CDC42BPA: variants seen among roughly 807,000 people sequenced by gnomAD.
The protein encoded by CDC42BPA is serine/threonine-protein kinase MRCK alpha.
A neutral mutation model predicts 223.5 loss-of-function variants in CDC42BPA; 80 were observed. The observed-to-expected ratio is 0.36, with a 90% CI of 0.30 to 0.43. The LOEUF (loss-of-function observed/expected upper bound fraction) is 0.43. CDC42BPA is among the 20% of genes least tolerant of loss of function. The probability of loss-of-function intolerance (pLI) is 1.00; values close to 1 mark genes in which losing one functional copy is unlikely to be tolerated. For synonymous variants in CDC42BPA, 694 were observed against 718.6 expected, an observed-to-expected ratio of 0.97 and a Z score of 0.55; for missense variants, 1,743 against 2,099.9, an observed-to-expected ratio of 0.83 and a Z score of 3.32.
At chr1:227,004,493 T>C (rs1663593245) in intron 35 of CDC42BPA, 1 of 157,138 alleles carries the variant, frequency 6.4e-6, no homozygotes, top group African/African-American at 2.4e-5. Context: ...GTAAAAAATG[T>C]CTTACCTTGG....
intron 14 of CDC42BPA, among the ~76,000 whole-genome samples, chr1:227,107,698 C>T (rs537596713): frequency 1.2e-4 from 18 of 152,154 alleles, no homozygotes; most frequent in South Asian, 2.1e-4. Flanking sequence ...TTTAACAAGC[C>T]GCTGGAGTGG....
intron 5 of CDC42BPA, among the ~76,000 whole-genome samples, chr1:227,166,522 G>C (rs7549822): frequency 6.6e-6 from 1 of 151,976 alleles, no homozygotes; most frequent in Non-Finnish European, 1.5e-5. Flanking sequence ...TCGAGCAAAA[G>C]AAAACATTTG....
At chr1:227,109,281 C>A (rs1686486603) in intron 14 of CDC42BPA, among the ~76,000 whole-genome samples, 1 of 152,018 alleles carries the variant, frequency 6.6e-6, no homozygotes, top group Non-Finnish European at 1.5e-5. Context: ...CTTACTATAC[C>A]TTTATAAGCT....
At chr1:227,221,864 A>G (rs1675952844) in intron 2 of CDC42BPA, among the ~76,000 whole-genome samples, 1 of 151,852 alleles carries the variant, frequency 6.6e-6, no homozygotes, top group Non-Finnish European at 1.5e-5. Flanking sequence ...AGCCAGCCAT[A>G]AAACCTAAAA....
At chr1:227,148,771 GCAAAAAA>G (rs1331171485) in intron 6 of CDC42BPA, among the ~76,000 whole-genome samples, 16 of 7,718 alleles carry the variant, frequency 2.1e-3, no homozygotes, top group African/African-American at 4.3e-3. Flanking sequence ...GGTCTCAAAA[GCAAAAAA>G]AAAAAAAAAA....
Position 227,274,341 on chromosome 1 carries a change from GT to G in CDC42BPA, c.179-20187del, listed in dbSNP as rs374674349. On this transcript the variant is annotated intron_variant, in intron 1 of 36. Coordinates refer to ENST00000366766, the MANE Select transcript of CDC42BPA (RefSeq NM_001394014.1). ...AAATTAAAAGAAACAGAGACTAGAA[GT>G]CACAGGAGAGGATCCTTAGGAAGAG... Among the ~76,000 whole-genome samples the G allele has an allele frequency of 1.3e-3, 193 of 152,244 alleles. 2 individuals carry two copies. Among genetic ancestry groups the G allele is most frequent in the African/African-American group, 4.3e-3 (177 of 41,554 alleles).
chr1:227,241,306 T>G (rs965818346), intron 2 of CDC42BPA, among the ~76,000 whole-genome samples: 8 of 152,094 alleles, frequency 5.3e-5, no homozygotes, highest in African/African-American at 1.9e-4. Context: ...AATTTAAACA[T>G]GCAACTACTG....
intron 10 of CDC42BPA, among the ~76,000 whole-genome samples, chr1:227,132,141 C>CCTCTCTTT (rs1657246513): frequency 6.7e-6 from 1 of 150,152 alleles, no homozygotes; most frequent in East Asian, 2.0e-4. Flanking sequence ...TCTCCCTCTC[C>CCTCTCTTT]CCACGGTCTT....
Position 227,028,925 on chromosome 1 carries a change from T to C in CDC42BPA, c.4164A>G (p.Ala1388=), listed in dbSNP as rs1242275311. 6.2e-7 allele frequency: 1 copy of C among 1,614,014 alleles called. No homozygotes were observed. The highest frequency in any genetic ancestry group is 8.5e-7 in the Non-Finnish European group (1 of 1,179,970). Residue 1388 remains alanine (A), a synonymous_variant, in exon 30 of 37, where the codon GCA becomes GCG. Transcript: ENST00000366766. The stretch of plus-strand genomic sequence containing the variant: ...CCACACAGAGTTGTTCACTGAAGAT[T>C]GCCATCCACTGGACATTATATGGGA... ...IQVPYNVQWM[A]IFSEQLCVGF...
chr1:227,084,011 G>A (rs1245595239), intron 16 of CDC42BPA, among the ~76,000 whole-genome samples: 1 of 152,206 alleles, frequency 6.6e-6, no homozygotes, highest in Non-Finnish European at 1.5e-5. Context: ...GGCACTAAAT[G>A]TTGGGCTCAC....
Position 227,080,899 on chromosome 1 carries a change from A to G in CDC42BPA, c.2474T>C (p.Ile825Thr). ...CGTTTAAAAGAGCACTCACCACTGA[A>G]TTATTTCTGTGATTTGGGCTTCCCA... ...AHWEAQITEIIQWVSDEKDAR... is the reference protein window; with the variant it reads ...AHWEAQITEITQWVSDEKDAR... Residue 825 changes from isoleucine to threonine, a missense_variant, in exon 17 of 37, where the codon ATT (isoleucine) becomes ACT (threonine). Physicochemically the swap from Ile to Thr is moderately conservative, Grantham distance 89. This residue lies in a region of CDC42BPA where 464 missense variants were observed against 488.0 expected (regional missense o/e 0.95). Transcript: ENST00000366766. 1 of 1,613,634 alleles carries G rather than the reference A, an allele frequency of 6.2e-7. No individual in the cohort carries two copies. The highest frequency in any genetic ancestry group is 1.1e-5 in the South Asian group (1 of 91,074).
chr1:227,264,840 TA>T, intron 1 of CDC42BPA: 2 of 1,511,916 alleles, frequency 1.3e-6, no homozygotes, highest in Non-Finnish European at 1.8e-6. Context: ...TATGCCACTG[TA>T]ATTCCTTCAG....
chr1:227,186,422 G>A (rs1383622050), intron 5 of CDC42BPA, among the ~76,000 whole-genome samples: 1 of 152,092 alleles, frequency 6.6e-6, no homozygotes, highest in Non-Finnish European at 1.5e-5. Flanking sequence ...AACCTGCTGG[G>A]GTATTATCAG....
At chr1:227,305,400 C>T (rs890018357) in intron 1 of CDC42BPA, among the ~76,000 whole-genome samples, 3 of 152,148 alleles carry the variant, frequency 2.0e-5, no homozygotes, top group African/African-American at 4.8e-5. Flanking sequence ...ATAAAAGTAA[C>T]TCACATTTGT....
At position 227,142,997 on chromosome 1, in the gene CDC42BPA, C is replaced by G; in HGVS notation, c.1171G>C (p.Ala391Pro). ...AATGGCAGATGGTGGCCAGAAAATG[C>G]AGTATGTGTTGGTGGGGGCATCGTT... ...SETMPPPTHTAFSGHHLPFVG... is the reference protein window; with the variant it reads ...SETMPPPTHTPFSGHHLPFVG... Residue 391 changes from alanine (A) to proline (P), a missense_variant, in exon 9 of 37, where the codon GCA becomes CCA. Coordinates refer to ENST00000366766, the MANE Select transcript of CDC42BPA (RefSeq NM_001394014.1). The G allele has an allele frequency of 6.5e-7, 1 of 1,538,584 alleles. No individual in the cohort carries two copies. Among genetic ancestry groups the G allele is most frequent in the African/African-American group, 1.4e-5 (1 of 69,730 alleles).
chr1:227,255,373 C>T (rs1004619588), intron 1 of CDC42BPA, among the ~76,000 whole-genome samples: 4 of 152,118 alleles, frequency 2.6e-5, no homozygotes, highest in South Asian at 2.1e-4. Flanking sequence ...TAACTAGCTT[C>T]GAAAACGGGT....
At chr1:227,222,193 G>C (rs1676037705) in intron 2 of CDC42BPA, among the ~76,000 whole-genome samples, 1 of 151,778 alleles carries the variant, frequency 6.6e-6, no homozygotes, top group South Asian at 2.1e-4. Context: ...ACTCCAGCCT[G>C]GGTGACAGAA....
chr1:227,299,779 A>G (rs952334355), intron 1 of CDC42BPA, among the ~76,000 whole-genome samples: 1 of 152,362 alleles, frequency 6.6e-6, no homozygotes, highest in Admixed American at 6.5e-5. Flanking sequence ...GAGCAACAGA[A>G]GTAGTCAACA....
intron 1 of CDC42BPA, among the ~76,000 whole-genome samples, chr1:227,313,274 G>A (rs1294379256): frequency 6.6e-6 from 1 of 152,086 alleles, no homozygotes; most frequent in Non-Finnish European, 1.5e-5. Flanking sequence ...CTACTTTATA[G>A]GGAATTTTTC....
Sources: allele counts gnomAD v4.1 joint callset (sites outside exome capture counted in the v4.1 genomes callset), GRCh38; gene constraint gnomAD v4.1.1; regional missense constraint gnomAD v4.1.1; transcripts MANE v1.5; gene names NCBI Gene and HGNC (gene_info 2026-07-23, HGNC 2026-07-21).